ZFHX3: variants seen among roughly 807,000 people sequenced by gnomAD.
The protein encoded by ZFHX3 is zinc finger homeobox protein 3.
Under a neutral mutation model 279.1 loss-of-function variants are expected in ZFHX3, and 42 were observed. That is an observed-to-expected ratio of 0.15 (90% CI 0.12 to 0.19). ZFHX3 has a LOEUF of 0.19. Among genes scored for constraint, ZFHX3 ranks in the 10% least tolerant of loss-of-function variants. ZFHX3 has a pLI of 1.00. For synonymous variants in ZFHX3, 2,293 were observed against 1,957.8 expected, an observed-to-expected ratio of 1.17 and a Z score of -4.52; for missense variants, 4,981 against 4,754.0, an observed-to-expected ratio of 1.05 and a Z score of -1.40.
At chr16:73,398,174 G>C (rs2017169519) in intron 3 of ZFHX3, among the ~76,000 whole-genome samples, 1 of 152,182 alleles carries the variant, frequency 6.6e-6, no homozygotes, top group South Asian at 2.1e-4. Context: ...TGCTAAGCTT[G>C]AGATGCCTGT....
intron 1 of ZFHX3, among the ~76,000 whole-genome samples, chr16:73,844,448 A>G (rs1478921577): frequency 6.6e-6 from 1 of 152,214 alleles, no homozygotes; most frequent in African/African-American, 2.4e-5. Context: ...GAAGACATTG[A>G]AGGCCAATAC....
At position 73,333,040 on chromosome 16, in the gene ZFHX3, T is replaced by TA. The variant is rs550585876; in HGVS notation, c.-1290-14705dup. On this transcript the variant is annotated intron_variant, in intron 3 of 17. Transcript: ENST00000641206. ...CCTTCCATCTCTCTGTCTTCCCCCT[T>TA]ACATTTACTTACTACACAGTTTTAG... Among the ~76,000 whole-genome samples, 59 of 152,302 alleles carry TA rather than the reference T, an allele frequency of 3.9e-4. 1 individual carries two copies. The highest frequency in any genetic ancestry group is 1.4e-3 in the African/African-American group (57 of 41,562).
intron 3 of ZFHX3, among the ~76,000 whole-genome samples, chr16:73,428,298 C>T (rs961619029): frequency 2.6e-5 from 4 of 152,132 alleles, no homozygotes; most frequent in African/African-American, 9.7e-5. Context: ...ATTACTACTC[C>T]CTTTGGTCAG....
intron 1 of ZFHX3, among the ~76,000 whole-genome samples, chr16:73,804,308 A>G (rs1175782596): frequency 6.6e-6 from 1 of 152,230 alleles, no homozygotes; most frequent in Non-Finnish European, 1.5e-5. Flanking sequence ...TAACAACACA[A>G]TTAAAATACT....
chr16:73,436,072 G>T (rs922821369), intron 3 of ZFHX3, among the ~76,000 whole-genome samples: 2 of 152,220 alleles, frequency 1.3e-5, no homozygotes, highest in African/African-American at 2.4e-5. Context: ...GCTCACGCCT[G>T]TAATCTCAAC....
Position 72,957,410 on chromosome 16 carries a change from C to G in ZFHX3, c.2719+17G>C. The G allele has an allele frequency of 6.3e-7, 1 of 1,585,406 alleles. No homozygotes were observed. The highest frequency in any genetic ancestry group is 1.3e-5 in the African/African-American group (1 of 74,330). ...AACTCCTATCATGAAAACAGACAAACACGTAGTCATCCTCACCTAGAGCAG... is the reference window on the plus strand; with the variant it reads ...AACTCCTATCATGAAAACAGACAAAGACGTAGTCATCCTCACCTAGAGCAG... On this transcript the variant is annotated intron_variant, in intron 2 of 9. Transcript: ENST00000268489.
chr16:73,431,722 C>T (rs984041791), intron 3 of ZFHX3, among the ~76,000 whole-genome samples: 10 of 151,972 alleles, frequency 6.6e-5, no homozygotes, highest in African/African-American at 2.2e-4. Context: ...GAGAGAAAAT[C>T]CCAGCAATTT....
At chr16:72,829,032 G>A (rs891250072) in intron 5 of ZFHX3, among the ~76,000 whole-genome samples, 6 of 150,338 alleles carry the variant, frequency 4.0e-5, no homozygotes, top group African/African-American at 1.2e-4. Flanking sequence ...GTCTCACTCT[G>A]TCGCGCAGGC....
intron 2 of ZFHX3, among the ~76,000 whole-genome samples, chr16:73,508,999 GGC>G (rs1167412993): frequency 1.3e-5 from 2 of 152,130 alleles, no homozygotes; most frequent in Non-Finnish European, 2.9e-5. Context: ...GAAATTCAAT[GGC>G]AATGGACCAA....
intron 4 of ZFHX3, among the ~76,000 whole-genome samples, chr16:72,837,765 A>G (rs1473613156): frequency 6.6e-6 from 1 of 151,216 alleles, no homozygotes; most frequent in African/African-American, 2.4e-5. Context: ...ATCCCCAAAT[A>G]ATTAAAAAAA....
intron 2 of ZFHX3, among the ~76,000 whole-genome samples, chr16:73,645,381 C>T (rs577186566): frequency 3.2e-4 from 48 of 152,216 alleles, no homozygotes; most frequent in African/African-American, 1.1e-3. Flanking sequence ...CTCAGCCTCC[C>T]GAGTAGCTGG....
At chr16:73,544,046 A>AG (rs929995888) in intron 2 of ZFHX3, 5 of 152,264 alleles carry the variant, frequency 3.3e-5, no homozygotes, top group Admixed American at 2.6e-4. Flanking sequence ...GCATGGGCAA[A>AG]GACAATTCGG....
intron 5 of ZFHX3, among the ~76,000 whole-genome samples, chr16:73,154,774 G>A (rs1007222311): frequency 6.6e-6 from 1 of 152,076 alleles, no homozygotes; most frequent in Non-Finnish European, 1.5e-5. Flanking sequence ...CTAAAGATGG[G>A]TGAAGAAAGG....
chr16:73,398,974 C>G (rs1490202881), intron 3 of ZFHX3, among the ~76,000 whole-genome samples: 1 of 152,070 alleles, frequency 6.6e-6, no homozygotes, highest in African/African-American at 2.4e-5. Flanking sequence ...AAGCAATTCT[C>G]CTGTCTCAGC....
intron 1 of ZFHX3, among the ~76,000 whole-genome samples, chr16:73,749,702 G>C (rs1005584083): frequency 2.6e-5 from 4 of 152,144 alleles, no homozygotes; most frequent in Non-Finnish European, 4.4e-5. Flanking sequence ...CCAATGCCAC[G>C]TGCACTGGAA....
chr16:73,715,256 T>C (rs1266034901), intron 1 of ZFHX3, among the ~76,000 whole-genome samples: 1 of 152,120 alleles, frequency 6.6e-6, no homozygotes, highest in Admixed American at 6.5e-5. Flanking sequence ...CACAGGAAAT[T>C]GACCTCACTG....
chr16:73,477,946 TTTG>T (rs1266560208), intron 2 of ZFHX3, among the ~76,000 whole-genome samples: 1 of 152,110 alleles, frequency 6.6e-6, no homozygotes, highest in East Asian at 1.9e-4. Context: ...CCTGGCTTAT[TTTG>T]TTGTTGTTTT....
At chr16:73,614,013 C>G (rs1403019773) in intron 2 of ZFHX3, among the ~76,000 whole-genome samples, 1 of 152,196 alleles carries the variant, frequency 6.6e-6, no homozygotes, top group Admixed American at 6.5e-5. Flanking sequence ...TGAATCCGAG[C>G]TTTCTGCTAC....
At chr16:72,890,040 G>T (rs562341559) in intron 3 of ZFHX3, 78 bp from the exon 4 acceptor site, 433 of 1,329,468 alleles carry the variant, frequency 3.3e-4, no homozygotes, top group Non-Finnish European at 4.1e-4. Context: ...ACACCATCCT[G>T]GTCACAGCCA....
Sources: gnomAD v4.1 joint callset for allele counts (sites outside exome capture counted in the v4.1 genomes callset) on GRCh38, gnomAD v4.1.1 for gene constraint, MANE v1.5 for transcripts, NCBI Gene and HGNC (gene_info 2026-07-23, HGNC 2026-07-21) for gene names.